Variants in ILRUN observed in about 807,000 individuals in gnomAD.
ILRUN encodes the protein protein ILRUN.
ILRUN carries 3 observed loss-of-function variants against 33.8 expected under a neutral mutation model. The observed-to-expected ratio is 0.09, with a 90% CI of 0.04 to 0.23. The LOEUF (loss-of-function observed/expected upper bound fraction) is 0.23. ILRUN is among the 10% of genes least tolerant of loss of function. The probability of loss-of-function intolerance (pLI) is 1.00; values close to 1 mark genes in which losing one functional copy is unlikely to be tolerated. For missense variants in ILRUN, 210 were observed against 375.1 expected (o/e 0.56, Z 3.64); for synonymous variants, 124 against 138.9 (o/e 0.89, Z 0.75).
chr6:34,651,789 C>CTTTTT (rs11288958), intron 2 of ILRUN, among the ~76,000 whole-genome samples: 7 of 102,796 alleles, frequency 6.8e-5, no homozygotes, highest in Non-Finnish European at 1.3e-4. Flanking sequence ...TTCCAAAAAA[C>CTTTTT]TTTTTTTTTT....
At chr6:34,630,534 C>T (rs1762225295) in intron 3 of ILRUN, among the ~76,000 whole-genome samples, 1 of 152,122 alleles carries the variant, frequency 6.6e-6, no homozygotes, top group African/African-American at 2.4e-5. Flanking sequence ...CAGGCACGTA[C>T]CACCATACCC....
Position 34,696,489 on chromosome 6 carries a change from G to C in ILRUN, c.115C>G (p.Leu39Val). ...AAGAAGGCGCAACCGGCAGGATTGA[G>C]CTGGAAGCCGAGCAGCCTCTGGAAC... ...SEFQRLLGFQ[L>V]NPAGCAFFLD... The change falls in exon 1 of 5, where the codon CTC (leucine) becomes GTC (valine). Residue 39 changes from leucine to valine, a missense_variant. Physicochemically the swap from Leu to Val is conservative, Grantham distance 32. Transcript: ENST00000374023. 6.2e-7 allele frequency: 1 copy of C among 1,610,348 alleles called. No individual in the cohort carries two copies. The highest frequency in any genetic ancestry group is 8.5e-7 in the Non-Finnish European group (1 of 1,178,744).
chr6:34,670,919 T>G (rs1490786302), intron 1 of ILRUN, among the ~76,000 whole-genome samples: 1 of 151,456 alleles, frequency 6.6e-6, no homozygotes, highest in Non-Finnish European at 1.5e-5. Context: ...TGCTTCTAAT[T>G]GCAGATTACC....
intron 3 of ILRUN, among the ~76,000 whole-genome samples, chr6:34,612,909 G>C (rs936501048): frequency 4.6e-5 from 7 of 152,168 alleles, no homozygotes; most frequent in African/African-American, 1.4e-4. Context: ...CGGGCATGGT[G>C]GTGGGCACCT....
At position 34,601,354 on chromosome 6, in the gene ILRUN, C is replaced by T. The variant is rs564882642; in HGVS notation, c.861+5201G>A. Among the ~76,000 whole-genome samples the T allele has an allele frequency of 7.9e-5, 12 of 152,340 alleles. No individual in the cohort carries two copies. In the East Asian group the frequency reaches 2.1e-3, roughly 27 times the overall value. ...TTCCTTGCCAGAGGGCCAAGTTACA[C>T]CGATTTTCCATCTAGCTTCTCTTTG... is the stretch of plus-strand genomic sequence containing the variant. On this transcript the variant is annotated intron_variant, in intron 4 of 4. Transcript: ENST00000374023.
At chr6:34,674,242 A>G (rs1224039348) in intron 1 of ILRUN, among the ~76,000 whole-genome samples, 5 of 152,130 alleles carry the variant, frequency 3.3e-5, no homozygotes, top group African/African-American at 1.2e-4. Context: ...GGCCAGGCTG[A>G]TCTCAAACTC....
intron 1 of ILRUN, among the ~76,000 whole-genome samples, chr6:34,682,251 G>GTTTT (rs66948142): frequency 2.0e-4 from 10 of 51,068 alleles, no homozygotes; most frequent in Admixed American, 6.0e-4. Context: ...TGCAACCTCT[G>GTTTT]TTTTTTTTTT....
intron 1 of ILRUN, among the ~76,000 whole-genome samples, chr6:34,657,007 T>C (rs536196174): frequency 2.0e-5 from 3 of 152,212 alleles, no homozygotes; most frequent in African/African-American, 4.8e-5. Context: ...AGGATGTTTG[T>C]GACTGGTCAA....
chr6:34,683,473 CACAT>C lies in ILRUN; in HGVS notation c.158+12969_158+12972del, dbSNP rs1426376901. Among the ~76,000 whole-genome samples the C allele has an allele frequency of 1.4e-3, 140 of 97,798 alleles. 2 individuals are homozygous for C. Among genetic ancestry groups the C allele is most frequent in the African/African-American group, 5.8e-3 (114 of 19,676 alleles). The allele number at this position is 97,798 out of a possible 152,430, so 64.2% of individuals were successfully genotyped here. A position where few individuals can be genotyped will look rare whatever the true frequency, so the allele number is the denominator to read the frequency against. On this transcript the variant is annotated intron_variant, in intron 1 of 4. Transcript: ENST00000374023. Reference sequence around the variant, plus strand: ...ATATACATATATATACATATATATACACATATATATATACATATATATATACATA... The same window carrying C: ...ATATACATATATATACATATATATACATATATATACATATATATATACATA...
chr6:34,609,516 A>G (rs1761701238), intron 3 of ILRUN, among the ~76,000 whole-genome samples: 1 of 152,082 alleles, frequency 6.6e-6, no homozygotes, highest in South Asian at 2.1e-4. Context: ...GTGGAATCTT[A>G]AAGTATCATA....
chr6:34,647,195 T>C (rs1358668895), intron 2 of ILRUN, among the ~76,000 whole-genome samples: 1 of 152,172 alleles, frequency 6.6e-6, no homozygotes, highest in African/African-American at 2.4e-5. Context: ...CATGTCCATT[T>C]TCACAGTATA....
At chr6:34,623,406 CT>C (rs1295441583) in intron 3 of ILRUN, among the ~76,000 whole-genome samples, 2 of 152,130 alleles carry the variant, frequency 1.3e-5, no homozygotes. Context: ...CACCCCACCC[CT>C]GGTCAGTTTT....
chr6:34,685,015 G>GT (rs1466122116), intron 1 of ILRUN, among the ~76,000 whole-genome samples: 2 of 152,212 alleles, frequency 1.3e-5, no homozygotes, highest in African/African-American at 4.8e-5. Context: ...TCTAGCAGTG[G>GT]TATGTCCACA....
At chr6:34,645,813 G>A (rs1051438334) in intron 3 of ILRUN, among the ~76,000 whole-genome samples, 19 of 152,290 alleles carry the variant, frequency 1.2e-4, no homozygotes, top group Middle Eastern at 3.4e-3. Context: ...AGCTGAAGCC[G>A]CATGGGTGAA....
intron 3 of ILRUN, among the ~76,000 whole-genome samples, chr6:34,620,219 A>G (rs1761985480): frequency 6.6e-6 from 1 of 152,152 alleles, no homozygotes. Flanking sequence ...GGAATCACAA[A>G]ATGTTTCACA....
chr6:34,648,157 T>C (rs1762595757), intron 2 of ILRUN, among the ~76,000 whole-genome samples: 1 of 152,234 alleles, frequency 6.6e-6, no homozygotes, highest in African/African-American at 2.4e-5. Context: ...ATATACTCCT[T>C]TTTAACTGTA....
At chr6:34,634,757 C>T (rs1762320916) in intron 3 of ILRUN, among the ~76,000 whole-genome samples, 1 of 152,156 alleles carries the variant, frequency 6.6e-6, no homozygotes, top group South Asian at 2.1e-4. Flanking sequence ...CCTTAATAGA[C>T]CTATAACTAT....
At chr6:34,609,185 GTA>G (rs1562000399) in intron 3 of ILRUN, among the ~76,000 whole-genome samples, 1 of 152,176 alleles carries the variant, frequency 6.6e-6, no homozygotes, top group Admixed American at 6.6e-5. Context: ...AATTTGGGCT[GTA>G]TATCAAAAGA....
At chr6:34,610,853 T>C (rs1331545250) in intron 3 of ILRUN, among the ~76,000 whole-genome samples, 1 of 152,196 alleles carries the variant, frequency 6.6e-6, no homozygotes, top group Non-Finnish European at 1.5e-5. Flanking sequence ...AAAGCTATTC[T>C]GAAAGCTGTT....
Sources: gnomAD v4.1 joint callset for allele counts (sites outside exome capture counted in the v4.1 genomes callset) on GRCh38, gnomAD v4.1.1 for gene constraint, MANE v1.5 for transcripts, NCBI Gene and HGNC (gene_info 2026-07-23, HGNC 2026-07-21) for gene names.